Variants in PDE8A observed in about 807,000 individuals in gnomAD.
The protein encoded by PDE8A is phosphodiesterase 8A, also known as high affinity cAMP-specific and IBMX-insensitive 3',5'-cyclic phosphodiesterase 8A.
PDE8A carries 59 observed loss-of-function variants against 105.0 expected under a neutral mutation model. The observed-to-expected ratio is 0.56, with a 90% CI of 0.46 to 0.70. The LOEUF is 0.70. Among genes scored for constraint, PDE8A ranks in the 30% least tolerant of loss-of-function variants. The pLI is 0.00. For synonymous variants in PDE8A, 355 were observed against 371.9 expected (o/e 0.95, Z 0.52); for missense variants, 1,014 against 1,045.9 (o/e 0.97, Z 0.42).
chr15:84,995,245 T>C (rs2079956337), intron 1 of PDE8A, among the ~76,000 whole-genome samples: 1 of 152,172 alleles, frequency 6.6e-6, no homozygotes, highest in Admixed American at 6.5e-5. Context: ...ACCACCCTTC[T>C]GATTTTTTTC....
chr15:85,128,098 A>G (rs530013335), intron 20 of PDE8A, among the ~76,000 whole-genome samples: 2 of 151,294 alleles, frequency 1.3e-5, no homozygotes, highest in South Asian at 2.1e-4. Context: ...ATCTCATACC[A>G]TAGAGAAATT....
chr15:85,097,642 T>A (rs1032907347), intron 8 of PDE8A, among the ~76,000 whole-genome samples: 2 of 152,108 alleles, frequency 1.3e-5, no homozygotes, highest in Non-Finnish European at 2.9e-5. Flanking sequence ...GTGGGAGTTA[T>A]GAGAGGAGGA....
At chr15:85,009,092 AGAG>A (rs1567226410) in intron 1 of PDE8A, among the ~76,000 whole-genome samples, 7 of 143,056 alleles carry the variant, frequency 4.9e-5, no homozygotes, top group African/African-American at 1.9e-4. Context: ...TTAGTGTGTG[AGAG>A]AGAGAGAGAG....
At chr15:85,084,591 G>C (rs1475407938) in intron 6 of PDE8A, among the ~76,000 whole-genome samples, 1 of 152,174 alleles carries the variant, frequency 6.6e-6, no homozygotes, top group Non-Finnish European at 1.5e-5. Context: ...CCCTCTCTCA[G>C]AGGAGAGTAG....
intron 1 of PDE8A, among the ~76,000 whole-genome samples, chr15:85,001,640 A>C (rs2080069200): frequency 6.6e-6 from 1 of 152,136 alleles, no homozygotes; most frequent in Non-Finnish European, 1.5e-5. Flanking sequence ...AAGTGGCTTC[A>C]CCTTGTTGGG....
At chr15:84,982,455 CTCTTGT>C in intron 1 of PDE8A, 107 bp downstream of exon 1, 1 of 622,300 alleles carries the variant, frequency 1.6e-6, no homozygotes, top group South Asian at 4.2e-5. Flanking sequence ...CCTCGGTGCC[CTCTTGT>C]CCCGCTTTGG....
At chr15:85,068,260 G>T (rs2081261459) in intron 3 of PDE8A, among the ~76,000 whole-genome samples, 1 of 151,888 alleles carries the variant, frequency 6.6e-6, no homozygotes, top group Admixed American at 6.6e-5. Context: ...GGCTGGTCTT[G>T]AACTCCTGAC....
chr15:85,137,721 T>C, intron 21 of PDE8A, 76 bp from the exon 22 acceptor site: 2 of 948,572 alleles, frequency 2.1e-6, no homozygotes, highest in South Asian at 1.4e-5. Context: ...TGTCACTCTT[T>C]AAAATGCTCT....
At position 85,120,975 on chromosome 15, in the gene PDE8A, C is replaced by T. The variant is rs199542836; in HGVS notation, c.1913C>T (p.Thr638Ile). 35 of 1,613,394 alleles carry T rather than the reference C, an allele frequency of 2.2e-5. No homozygotes were observed. Among genetic ancestry groups the T allele is most frequent in the African/African-American group, 1.3e-5 (1 of 74,906 alleles). The change falls in exon 18 of 22, where the codon ACT (threonine) becomes ATT (isoleucine). Residue 638 changes from threonine to isoleucine, a missense_variant. Coordinates refer to ENST00000394553, the MANE Select transcript of PDE8A (RefSeq NM_002605.3). Reference protein sequence around the residue: ...HHAALAFQLTTGDDKCNIFKN... With the variant: ...HHAALAFQLTIGDDKCNIFKN... ...GCGGCCTTGGCCTTCCAGCTGACCA[C>T]TGGAGATGATAAATGCAATATATTT...
chr15:85,131,109 G>A (rs946869732), intron 20 of PDE8A, among the ~76,000 whole-genome samples: 25 of 152,100 alleles, frequency 1.6e-4, no homozygotes, highest in African/African-American at 5.8e-4. Flanking sequence ...ACCCACCCCA[G>A]CTCTCTCTTG....
intron 5 of PDE8A, among the ~76,000 whole-genome samples, chr15:85,081,485 G>A (rs913854200): frequency 1.3e-5 from 2 of 152,170 alleles, no homozygotes; most frequent in Non-Finnish European, 2.9e-5. Flanking sequence ...CCTAGCCGTG[G>A]GTGTGATATG....
chr15:85,037,871 T>C (rs2080732879), intron 1 of PDE8A, among the ~76,000 whole-genome samples: 1 of 152,204 alleles, frequency 6.6e-6, no homozygotes, highest in African/African-American at 2.4e-5. Flanking sequence ...TGTGTCATAA[T>C]CTCTATGGAA....
intron 3 of PDE8A, among the ~76,000 whole-genome samples, chr15:85,068,623 A>G (rs1405920450): frequency 2.6e-5 from 4 of 150,944 alleles, no homozygotes; most frequent in African/African-American, 9.9e-5. Context: ...TCTAAATTAC[A>G]TGGTGCTTGG....
At chr15:85,072,505 G>A (rs373813851) in intron 3 of PDE8A, among the ~76,000 whole-genome samples, 96 of 152,128 alleles carry the variant, frequency 6.3e-4, no homozygotes, top group Non-Finnish European at 1.5e-4. Context: ...GACCTATCAT[G>A]TGTATCTTCT....
chr15:85,003,279 G>T (rs528902847), intron 1 of PDE8A, among the ~76,000 whole-genome samples: 1 of 152,216 alleles, frequency 6.6e-6, no homozygotes, highest in African/African-American at 2.4e-5. Flanking sequence ...ACTTTTTGCT[G>T]TTCAACAGGA....
At chr15:85,018,979 G>A (rs1567231975) in intron 1 of PDE8A, among the ~76,000 whole-genome samples, 1 of 152,038 alleles carries the variant, frequency 6.6e-6, no homozygotes, top group Non-Finnish European at 1.5e-5. Flanking sequence ...TGGTATTTTT[G>A]CATCATGTAG....
chr15:85,069,474 G>T (rs1318597270), intron 3 of PDE8A, among the ~76,000 whole-genome samples: 1 of 152,142 alleles, frequency 6.6e-6, no homozygotes, highest in Non-Finnish European at 1.5e-5. Context: ...CAACACTGGA[G>T]GACAGGAATT....
At chr15:85,049,529 C>A (rs1011303637) in intron 1 of PDE8A, among the ~76,000 whole-genome samples, 2 of 152,088 alleles carry the variant, frequency 1.3e-5, no homozygotes, top group African/African-American at 4.8e-5. Flanking sequence ...TCAGAATTTC[C>A]TTTTTATGGC....
At chr15:85,040,370 TAA>T (rs35955528) in intron 1 of PDE8A, among the ~76,000 whole-genome samples, 27 of 103,684 alleles carry the variant, frequency 2.6e-4, no homozygotes, top group South Asian at 6.7e-4. Flanking sequence ...ACCTCTTCTC[TAA>T]AAAAAAAAAA....
Sources: gnomAD v4.1 joint callset for allele counts (sites outside exome capture counted in the v4.1 genomes callset) on GRCh38, gnomAD v4.1.1 for gene constraint, MANE v1.5 for transcripts, NCBI Gene and HGNC (gene_info 2026-07-23, HGNC 2026-07-21) for gene names.